The following SLC6A6 variants were observed in gnomAD, a reference collection of about 807,000 sequenced individuals.
SLC6A6 encodes the protein solute carrier family 6 member 6.
SLC6A6 carries 16 observed loss-of-function variants against 68.8 expected under a neutral mutation model. That is an observed-to-expected ratio of 0.23 (90% confidence interval 0.16 to 0.35). The LOEUF (loss-of-function observed/expected upper bound fraction) is 0.35. Among genes scored for constraint, SLC6A6 ranks in the 10% least tolerant of loss-of-function variants. SLC6A6 has a pLI of 1.00. For missense variants in SLC6A6, 474 were observed against 802.8 expected, an observed-to-expected ratio of 0.59 and a Z score of 4.95; for synonymous variants, 312 against 315.4, an observed-to-expected ratio of 0.99 and a Z score of 0.12.
chr3:14,411,358 G>C (rs1490433300), intron 1 of SLC6A6: 1 of 152,466 alleles, frequency 6.6e-6, no homozygotes, highest in African/African-American at 2.4e-5. Flanking sequence ...AGCCCGCAAG[G>C]CCCTTCCTCC....
chr3:14,444,043 C>T lies in SLC6A6; in HGVS notation c.229+180C>T, dbSNP rs1700057293. 5.1e-6 allele frequency: 3 copies of T among 591,594 alleles called. No individual in the cohort carries two copies. The Admixed American group carries it at 8.9e-5, about 17-fold the overall frequency. 36.6% of individuals were successfully genotyped at this position (591,594 alleles called of 1,614,324 possible). On this transcript the variant is annotated intron_variant, in intron 3 of 14. Transcript: ENST00000622186. ...CCCACCCTTAGAGACAGGGGATAAGCCCGACTGAGAATCAGAGTACTGTTC... is the reference window on the plus strand; with the variant it reads ...CCCACCCTTAGAGACAGGGGATAAGTCCGACTGAGAATCAGAGTACTGTTC...
chr3:14,442,185 G>A (rs185445502), intron 2 of SLC6A6, among the ~76,000 whole-genome samples: 2 of 152,264 alleles, frequency 1.3e-5, no homozygotes, highest in Admixed American at 6.5e-5. Flanking sequence ...AGCTCACTGT[G>A]GTCCAACCTT....
rs79164432 is a variant in SLC6A6 at position 14,413,281 on chromosome 3, G to T, written c.-53-3131G>T. Among the ~76,000 whole-genome samples the T allele has an allele frequency of 9.4e-3, 1,430 of 152,314 alleles. 22 individuals are homozygous for T. Among genetic ancestry groups the T allele is most frequent in the African/African-American group, 0.033 (1,351 of 41,564 alleles). On this transcript the variant is annotated intron_variant, in intron 1 of 14. Coordinates refer to ENST00000622186, the MANE Select transcript of SLC6A6 (RefSeq NM_003043.6). ...AAATACATTCCAGGGAACACAGCTG[G>T]CTGGAAGGGGCAGTGATGGGACCAC...
rs1182224800 is a variant in SLC6A6, at chr3:14,481,074, C to T, written c.1552-597C>T. Among the ~76,000 whole-genome samples, 1 of 152,216 alleles carries T rather than the reference C, an allele frequency of 6.6e-6. No homozygotes were observed. The highest frequency in any genetic ancestry group is 1.5e-5 in the Non-Finnish European group (1 of 68,048). On this transcript the variant is annotated intron_variant, in intron 13 of 14. Coordinates refer to ENST00000622186, the MANE Select transcript of SLC6A6 (RefSeq NM_003043.6). The surrounding 1 kb of genome is among the most constrained non-coding windows in gnomAD (Gnocchi z 4.7). ...GTGCACTTGTTGTATGTACCTGGAG[C>T]TGCACTGGGTGTTAAAGAACTAGGA...
chr3:14,442,318 A>G (rs7638413), intron 2 of SLC6A6, among the ~76,000 whole-genome samples: 121,013 of 152,186 alleles, frequency 0.8, 48,354 homozygotes, highest in East Asian at 0.89. Context: ...GCTCTGAGTC[A>G]GCCACTTCTG....
chr3:14,452,404 C>T (rs1424640773), intron 5 of SLC6A6, among the ~76,000 whole-genome samples: 3 of 152,248 alleles, frequency 2.0e-5, no homozygotes, highest in East Asian at 1.9e-4. Context: ...CGATGCAAGA[C>T]GTGCAGTGCC....
At chr3:14,475,174 G>A (rs951674773) in intron 10 of SLC6A6, among the ~76,000 whole-genome samples, 1 of 152,198 alleles carries the variant, frequency 6.6e-6, no homozygotes, top group Non-Finnish European at 1.5e-5. Flanking sequence ...TGGGATTACA[G>A]GCATGTGCCA....
intron 2 of SLC6A6, among the ~76,000 whole-genome samples, chr3:14,427,737 C>T (rs569231206): frequency 1.3e-5 from 2 of 152,276 alleles, no homozygotes; most frequent in South Asian, 4.1e-4. Flanking sequence ...CAGGGGCCAG[C>T]AGGTGGAGAG....
At chr3:14,469,076 G>A (rs190586235) in intron 9 of SLC6A6, among the ~76,000 whole-genome samples, 1 of 152,242 alleles carries the variant, frequency 6.6e-6, no homozygotes, top group East Asian at 1.9e-4. Context: ...TTTAATTGCA[G>A]TGGCTTGGGT....
At chr3:14,414,450 G>A (rs17308574) in intron 1 of SLC6A6, among the ~76,000 whole-genome samples, 8,654 of 152,222 alleles carry the variant, frequency 0.057, 255 homozygotes, top group Non-Finnish European at 0.071. Context: ...TCTCCTCCTG[G>A]AACAGGTTTA....
In SLC6A6 at chr3:14,472,255, C is replaced by T. The variant is rs770545612; in HGVS notation, c.1147C>T (p.Leu383=). The T allele has an allele frequency of 1.2e-6, 2 of 1,613,940 alleles. No individual in the cohort carries two copies. The highest frequency in any genetic ancestry group is 2.7e-5 in the African/African-American group (2 of 74,948). ...AYPKAVTMMP[L]PTFWSILFFI... ...CCCAAAAGCTGTGACAATGATGCCG[C>T]TGCCCACATTTTGGTCCATTCTTTT... The change falls in exon 10 of 15, where the codon CTG becomes TTG. Residue 383 remains leucine, a synonymous_variant. Transcript: ENST00000622186. This position sits in a 1 kb window ranked among gnomAD's most constrained non-coding sequence, Gnocchi z 4.5.
At chr3:14,473,160 T>G (rs1700792755) in intron 10 of SLC6A6, among the ~76,000 whole-genome samples, 1 of 152,202 alleles carries the variant, frequency 6.6e-6, no homozygotes, top group Non-Finnish European at 1.5e-5. Flanking sequence ...GGAGGACAAT[T>G]CACTTGAGCT....
intron 1 of SLC6A6, among the ~76,000 whole-genome samples, chr3:14,415,255 C>A (rs555038937): frequency 6.6e-6 from 1 of 152,222 alleles, no homozygotes; most frequent in Non-Finnish European, 1.5e-5. Flanking sequence ...GTGCCTTGTA[C>A]CCAGTGGGTG....
chr3:14,458,187 G>A (rs919856999), intron 6 of SLC6A6, 105 bp downstream of exon 6: 32 of 1,041,828 alleles, frequency 3.1e-5, no homozygotes, highest in Admixed American at 8.8e-5. Flanking sequence ...GAGGGAGGTG[G>A]CCAGTGGTGG....
intron 2 of SLC6A6, among the ~76,000 whole-genome samples, chr3:14,419,270 G>T (rs1030365346): frequency 3.3e-5 from 5 of 152,204 alleles, no homozygotes; most frequent in African/African-American, 1.2e-4. Flanking sequence ...CATGGCAGGG[G>T]TGTCTAGAGG....
intron 2 of SLC6A6, among the ~76,000 whole-genome samples, chr3:14,417,884 T>C (rs1464331486): frequency 1.3e-5 from 2 of 152,224 alleles, no homozygotes; most frequent in East Asian, 3.8e-4. Context: ...AGCAGCCTTA[T>C]TTTTCTTTTA....
At position 14,424,589 on chromosome 3, in the gene SLC6A6, C is replaced by CTCGGATCTGT. The variant is rs555014780; in HGVS notation, c.-12+8139_-12+8148dup. On this transcript the variant is annotated intron_variant, in intron 2 of 14. Transcript: ENST00000622186. ...GTGGGGTTGGGTCTGGCTCAGTGGC[C>CTCGGATCTGT]TCGGATCTGTTCAGAGTGGTTGGTC... Among the ~76,000 whole-genome samples, 51 of 152,174 alleles carry CTCGGATCTGT rather than the reference C, an allele frequency of 3.4e-4. 1 individual carries two copies. The East Asian group carries it at 7.4e-3, about 22-fold the overall frequency.
chr3:14,410,679 C>T (rs545346067), intron 1 of SLC6A6, among the ~76,000 whole-genome samples: 9 of 152,360 alleles, frequency 5.9e-5, no homozygotes, highest in Admixed American at 1.3e-4. Context: ...CTTGCCGACC[C>T]AGAGGCTCAG....
chr3:14,412,055 C>T (rs992817178), intron 1 of SLC6A6, among the ~76,000 whole-genome samples: 1 of 152,228 alleles, frequency 6.6e-6, no homozygotes, highest in Non-Finnish European at 1.5e-5. Flanking sequence ...AAGGGGTGGC[C>T]CAGATAGGTT....
Sources: gnomAD v4.1 joint callset for allele counts (sites outside exome capture counted in the v4.1 genomes callset) on GRCh38, gnomAD v4.1.1 for gene constraint, Gnocchi (gnomAD v3.1) non-coding constraint, MANE v1.5 for transcripts, NCBI Gene and HGNC (gene_info 2026-07-23, HGNC 2026-07-21) for gene names.